Variants in CERKL observed in about 807,000 individuals in gnomAD.
CERKL encodes CERK like autophagy regulator.
A neutral mutation model predicts 63.4 loss-of-function variants in CERKL; 61 were observed. That is an observed-to-expected ratio of 0.96 (90% CI 0.78 to 1.19). The LOEUF (loss-of-function observed/expected upper bound fraction) is 1.19. Among genes scored for constraint, CERKL ranks in the 50% most tolerant of loss-of-function variants. CERKL has a pLI of 0.00. For missense variants in CERKL, 675 were observed against 655.5 expected (o/e 1.03, Z -0.33); for synonymous variants, 250 against 230.5 (o/e 1.08, Z -0.77).
At chr2:181,566,201 A>C in intron 3 of CERKL, 80 bp from the exon 4 acceptor site, 1 of 1,011,208 alleles carries the variant, frequency 9.9e-7, no homozygotes, top group Non-Finnish European at 1.6e-6. Flanking sequence ...CTGGCAAAAT[A>C]ATATGATAAA....
chr2:181,564,041 T>G (rs1688558839), intron 4 of CERKL, among the ~76,000 whole-genome samples: 1 of 152,112 alleles, frequency 6.6e-6, no homozygotes, highest in East Asian at 1.9e-4. Context: ...TCATCAAGCA[T>G]TAGATTCTCA....
At chr2:181,623,905 C>G (rs1431845673) in intron 1 of CERKL, among the ~76,000 whole-genome samples, 1 of 152,064 alleles carries the variant, frequency 6.6e-6, no homozygotes, top group Non-Finnish European at 1.5e-5. Flanking sequence ...TACCACAAAC[C>G]AGCTGTGAGT....
intron 1 of CERKL, among the ~76,000 whole-genome samples, chr2:181,644,911 T>C (rs967143486): frequency 4.6e-5 from 7 of 152,160 alleles, no homozygotes; most frequent in African/African-American, 1.4e-4. Context: ...TTCTTTCAAT[T>C]ACAGGATGGT....
chr2:181,579,981 A>ATAATGAC (rs964338287), intron 2 of CERKL, among the ~76,000 whole-genome samples: 1 of 151,940 alleles, frequency 6.6e-6, no homozygotes, highest in African/African-American at 2.4e-5. Flanking sequence ...TTATAGTTTT[A>ATAATGAC]TAATGACTTA....
intron 2 of CERKL, among the ~76,000 whole-genome samples, chr2:181,589,466 T>C (rs1375535723): frequency 6.6e-6 from 1 of 152,226 alleles, no homozygotes; most frequent in East Asian, 1.9e-4. Flanking sequence ...GTATTCAACG[T>C]CATGAAGCTT....
chr2:181,576,378 T>G (rs1684214940), intron 2 of CERKL, among the ~76,000 whole-genome samples: 1 of 152,208 alleles, frequency 6.6e-6, no homozygotes, highest in African/African-American at 2.4e-5. Flanking sequence ...ACACTTTTAA[T>G]GGAGACTAAA....
chr2:181,567,621 AG>A (rs1688721032), intron 3 of CERKL, among the ~76,000 whole-genome samples: 1 of 152,198 alleles, frequency 6.6e-6, no homozygotes, highest in South Asian at 2.1e-4. Context: ...CAAAATGAAA[AG>A]AACCTGACTA....
At chr2:181,643,805 T>C (rs576383570) in intron 1 of CERKL, among the ~76,000 whole-genome samples, 2 of 152,322 alleles carry the variant, frequency 1.3e-5, no homozygotes, top group South Asian at 2.1e-4. Context: ...CATTGCCTAA[T>C]CTTACCCATT....
chr2:181,648,863 T>A (rs926347577), intron 1 of CERKL, among the ~76,000 whole-genome samples: 1 of 152,194 alleles, frequency 6.6e-6, no homozygotes, highest in Non-Finnish European at 1.5e-5. Flanking sequence ...TAGTTTATTA[T>A]AACTACAAGA....
intron 1 of CERKL, among the ~76,000 whole-genome samples, chr2:181,640,803 C>T (rs758132186): frequency 2.0e-5 from 3 of 152,192 alleles, no homozygotes; most frequent in African/African-American, 4.8e-5. Context: ...ATCTGGATTG[C>T]CCTCTCTGGT....
At chr2:181,576,996 C>T (rs567514495) in intron 2 of CERKL, among the ~76,000 whole-genome samples, 62 of 152,248 alleles carry the variant, frequency 4.1e-4, no homozygotes, top group Non-Finnish European at 7.5e-4. Context: ...ATCAGAATTA[C>T]CTGACGTGCT....
At position 181,603,962 on chromosome 2, in the gene CERKL, C is replaced by A; in HGVS notation, c.356G>T (p.Gly119Val). 6.2e-7 allele frequency: 1 copy of A among 1,613,038 alleles called. No individual in the cohort carries two copies. The highest frequency in any genetic ancestry group is 8.5e-7 in the Non-Finnish European group (1 of 1,179,592). The stretch of plus-strand genomic sequence containing the variant: ...TTTCAAGCAGATGAAGAGTGTGATA[C>A]CTAATAAAGTACCACTTCTCTGCTG... The part of the protein sequence containing the change: ...VKQQRSGTLL[G>V]ITLFICLKKE... Residue 119 changes from glycine to valine, a missense_variant, in exon 2 of 13, where the codon GGT (glycine) becomes GTT (valine). Coordinates refer to ENST00000410087, the MANE Select transcript of CERKL (RefSeq NM_201548.5).
intron 1 of CERKL, among the ~76,000 whole-genome samples, chr2:181,642,218 G>A (rs1450970334): frequency 1.3e-5 from 2 of 152,266 alleles, no homozygotes; most frequent in East Asian, 3.9e-4. Context: ...ATTCACATGA[G>A]TAATAGGTCA....
intron 10 of CERKL, among the ~76,000 whole-genome samples, chr2:181,546,830 A>G (rs931520676): frequency 1.3e-5 from 2 of 152,244 alleles, no homozygotes; most frequent in Admixed American, 1.3e-4. Flanking sequence ...TACTATTCAC[A>G]TTAAATAGAA....
In CERKL at chr2:181,558,102, T is replaced by C. The variant is rs1317916983; in HGVS notation, c.820+464A>G. On this transcript the variant is annotated intron_variant, in intron 5 of 12. Transcript: ENST00000410087. This position sits in a 1 kb window ranked among gnomAD's most constrained non-coding sequence, Gnocchi z 4.2. ...ATCCTCCCTTCCAGTCACAAGTAATTTTGGCATTCTCAAGGTTATCTGGTT... is the reference window on the plus strand; with the variant it reads ...ATCCTCCCTTCCAGTCACAAGTAATCTTGGCATTCTCAAGGTTATCTGGTT... Among the ~76,000 whole-genome samples, 1 of 152,146 alleles carries C rather than the reference T, an allele frequency of 6.6e-6. No homozygotes were observed.
In CERKL at chr2:181,611,510, TAAAC is replaced by T. The variant is rs553715419; in HGVS notation, c.239-7435_239-7432del. Among the ~76,000 whole-genome samples, 48 of 151,732 alleles carry T rather than the reference TAAAC, an allele frequency of 3.2e-4. No individual in the cohort carries two copies. The East Asian group carries it at 3.3e-3, about 10-fold the overall frequency. ...CTCATCTCTACAAAAAAATAAAAAA[TAAAC>T]AAACAAACAAAATAAACCAAATAAG... On this transcript the variant is annotated intron_variant, in intron 1 of 12. Coordinates refer to ENST00000410087, the MANE Select transcript of CERKL (RefSeq NM_201548.5).
At chr2:181,627,570 T>A (rs1686767277) in intron 1 of CERKL, among the ~76,000 whole-genome samples, 1 of 152,190 alleles carries the variant, frequency 6.6e-6, no homozygotes, top group Non-Finnish European at 1.5e-5. Context: ...AATGCAAAAT[T>A]CTTTACCAAT....
At chr2:181,640,738 T>C (rs950988292) in intron 1 of CERKL, among the ~76,000 whole-genome samples, 3 of 152,234 alleles carry the variant, frequency 2.0e-5, no homozygotes, top group Admixed American at 1.3e-4. Context: ...CCTTTAGCTT[T>C]GCCATGTTTG....
Position 181,537,586 on chromosome 2 carries a change from T to TATATTTGTAACAGAATATA in CERKL, c.*579_*597dup, listed in dbSNP as rs1173774571. The TATATTTGTAACAGAATATA allele has an allele frequency of 2.3e-6, 1 of 429,952 alleles. No individual in the cohort carries two copies. The highest frequency in any genetic ancestry group is 4.6e-6 in the Non-Finnish European group (1 of 217,688). 26.6% of individuals were successfully genotyped at this position (429,952 alleles called of 1,614,324 possible). On this transcript the variant is annotated 3_prime_UTR_variant, in exon 13 of 13. Transcript: ENST00000410087. ...CAAGGCAGACTTATGAAATCTGTAT[T>TATATTTGTAACAGAATATA]ATATTTGTAACAGAATATAGGAAAT...
Sources: allele counts gnomAD v4.1 joint callset (sites outside exome capture counted in the v4.1 genomes callset), GRCh38; gene constraint gnomAD v4.1.1; non-coding constraint Gnocchi (gnomAD v3.1); transcripts MANE v1.5; gene names NCBI Gene and HGNC (gene_info 2026-07-23, HGNC 2026-07-21).